DNMT1: variants seen among roughly 807,000 people sequenced by gnomAD.
DNMT1 encodes DNA methyltransferase 1.
Under a neutral mutation model 205.3 loss-of-function variants are expected in DNMT1, and 24 were observed. The ratio of observed to expected loss-of-function variants is 0.12; its 90% CI spans 0.08 to 0.16. The LOEUF (loss-of-function observed/expected upper bound fraction) is 0.16, where lower values mean the gene tolerates loss of function less well. Ranked by LOEUF, DNMT1 falls within the 10% of genes least tolerant of loss-of-function variation. The probability of loss-of-function intolerance (pLI) is 1.00; values close to 1 mark genes in which losing one functional copy is unlikely to be tolerated. For synonymous variants in DNMT1, 817 were observed against 839.8 expected, an observed-to-expected ratio of 0.97 and a Z score of 0.47; for missense variants, 1,293 against 2,177.7, an observed-to-expected ratio of 0.59 and a Z score of 8.09.
intron 11 of DNMT1, among the ~76,000 whole-genome samples, chr19:10,163,974 C>T (rs2038633693): frequency 6.6e-6 from 1 of 152,184 alleles, no homozygotes; most frequent in East Asian, 1.9e-4. Flanking sequence ...AAGCTCCTCC[C>T]CAGGTTCAGA....
chr19:10,141,223 G>T, intron 30 of DNMT1, 34 bp from the exon 31 acceptor site: 2 of 1,604,318 alleles, frequency 1.2e-6, no homozygotes, highest in Non-Finnish European at 8.5e-7. Flanking sequence ...GTTTGGGAGA[G>T]AAACGCACTG....
At chr19:10,183,941 T>C (rs2039128722) in intron 1 of DNMT1, among the ~76,000 whole-genome samples, 1 of 151,892 alleles carries the variant, frequency 6.6e-6, no homozygotes, top group African/African-American at 2.4e-5. Context: ...GTGGTCCCAG[T>C]TACTTGGGAG....
In DNMT1 at chr19:10,192,982, G is replaced by A. The variant is rs139123525; in HGVS notation, c.80+1838C>T. Among the ~76,000 whole-genome samples, 354 of 152,260 alleles carry A rather than the reference G, an allele frequency of 2.3e-3. 2 individuals are homozygous for A. The highest frequency in any genetic ancestry group is 8.0e-3 in the African/African-American group (332 of 41,556). On this transcript the variant is annotated intron_variant, in intron 1 of 40. Coordinates refer to ENST00000359526, the MANE Select transcript of DNMT1 (RefSeq NM_001130823.3). ...GAATCACTTGAACCCTGAAAGTGGA[G>A]GTTGCAGTGAGCCGAGATCACGCCA...
intron 6 of DNMT1, among the ~76,000 whole-genome samples, 172 bp downstream of exon 6, chr19:10,177,120 T>C (rs1366447559): frequency 1.3e-5 from 2 of 151,858 alleles, no homozygotes; most frequent in Non-Finnish European, 2.9e-5. Context: ...CCTATATGAG[T>C]AAAAACAGGT....
chr19:10,167,305 C>A (rs1346160979), intron 10 of DNMT1, among the ~76,000 whole-genome samples: 1 of 151,878 alleles, frequency 6.6e-6, no homozygotes, highest in Non-Finnish European at 1.5e-5. Flanking sequence ...AAGTGATTCT[C>A]CTGCCTCAGT....
chr19:10,185,843 GAAAAAAAAAA>G (rs57377594), intron 1 of DNMT1, among the ~76,000 whole-genome samples: 3 of 70,758 alleles, frequency 4.2e-5, no homozygotes, highest in East Asian at 5.9e-4. Flanking sequence ...TGTCTCAAAA[GAAAAAAAAAA>G]AAAAAAAAAG....
At chr19:10,183,083 A>G (rs34539107) in intron 1 of DNMT1, among the ~76,000 whole-genome samples, 51,397 of 145,688 alleles carry the variant, frequency 0.35, 9,843 homozygotes, top group Non-Finnish European at 0.43. Flanking sequence ...ATGTGTGTGT[A>G]TATATATATA....
chr19:10,155,190 A>G (rs1490857353), intron 19 of DNMT1, 134 bp from the exon 20 acceptor site: 32 of 1,210,388 alleles, frequency 2.6e-5, no homozygotes, highest in Non-Finnish European at 3.7e-5. Context: ...TCAGAAACAT[A>G]GGGCACAACA....
chr19:10,194,158 T>A (rs1291708844), intron 1 of DNMT1, among the ~76,000 whole-genome samples: 2 of 152,190 alleles, frequency 1.3e-5, no homozygotes, highest in East Asian at 3.8e-4. Flanking sequence ...GGCCCTGCGC[T>A]GCAATGCACG....
chr19:10,159,697 C>T lies in DNMT1; in HGVS notation c.1241G>A (p.Ser414Asn). The change falls in exon 17 of 41, where the codon AGT becomes AAT. Residue 414 changes from serine to asparagine, a missense_variant. By Grantham distance (46) the Ser-to-Asn change is conservative. Transcript: ENST00000359526. The surrounding 1 kb of genome is among the most constrained non-coding windows in gnomAD (Gnocchi z 5.0). ...TTTGTGCTGGGGAAGCGCCTCATAA[C>T]TCTCAAAGCCAGACTCGTTGGCATC... ...IFDANESGFE[S>N]YEALPQHKLT... The T allele has an allele frequency of 6.2e-7, 1 of 1,614,236 alleles. No homozygotes were observed. Among genetic ancestry groups the T allele is most frequent in the Non-Finnish European group, 8.5e-7 (1 of 1,180,042 alleles).
At chr19:10,184,758 C>T (rs1028591328) in intron 1 of DNMT1, among the ~76,000 whole-genome samples, 1 of 152,214 alleles carries the variant, frequency 6.6e-6, no homozygotes, top group African/African-American at 2.4e-5. Flanking sequence ...GAGAACAGGC[C>T]TAACCAGCTG....
intron 12 of DNMT1, 142 bp from the exon 13 acceptor site, chr19:10,162,890 G>T: frequency 1.2e-6 from 1 of 869,320 alleles, no homozygotes; most frequent in Non-Finnish European, 1.8e-6. Flanking sequence ...CTGCCAGCTT[G>T]TCATCCCGAG....
chr19:10,136,399 C>T lies in DNMT1; in HGVS notation c.4490-112G>A, dbSNP rs1231027771. The T allele has an allele frequency of 1.7e-5, 24 of 1,410,832 alleles. No homozygotes were observed. In the East Asian group the frequency reaches 5.6e-4, roughly 33 times the overall value. The allele number at this position is 1,410,832 out of a possible 1,614,324, so 87.4% of individuals were successfully genotyped here. A position where few individuals can be genotyped will look rare whatever the true frequency, so the allele number is the denominator to read the frequency against. On this transcript the variant is annotated intron_variant, in intron 37 of 40. Coordinates refer to ENST00000359526, the MANE Select transcript of DNMT1 (RefSeq NM_001130823.3). ...ATGGCACCTCCTGTGCAAGGGGCCC[C>T]CTGGGGTGGAGCAGCCAACAATCCT...
intron 1 of DNMT1, among the ~76,000 whole-genome samples, chr19:10,185,631 A>T (rs1239631359): frequency 6.6e-6 from 1 of 152,028 alleles, no homozygotes; most frequent in Non-Finnish European, 1.5e-5. Flanking sequence ...GTTTGAGACC[A>T]GCCTGGGCTA....
chr19:10,186,676 T>G (rs933812461), intron 1 of DNMT1, among the ~76,000 whole-genome samples: 3 of 151,416 alleles, frequency 2.0e-5, no homozygotes, highest in African/African-American at 7.3e-5. Flanking sequence ...TCGTCTTTAC[T>G]AAAAATCCAG....
At chr19:10,175,767 C>A in intron 6 of DNMT1, 149 bp from the exon 7 acceptor site, 1 of 799,656 alleles carries the variant, frequency 1.3e-6, no homozygotes. Context: ...GTCTTGCCAT[C>A]TTGTAAGTCC....
chr19:10,166,035 C>T (rs1003125820), intron 11 of DNMT1, among the ~76,000 whole-genome samples: 4 of 152,038 alleles, frequency 2.6e-5, no homozygotes, highest in African/African-American at 9.7e-5. Flanking sequence ...TAGATAGGGA[C>T]CCGCCGCCCC....
chr19:10,182,577 G>T (rs2145386874), intron 1 of DNMT1, among the ~76,000 whole-genome samples: 1 of 149,468 alleles, frequency 6.7e-6, no homozygotes, highest in Non-Finnish European at 1.5e-5. Flanking sequence ...ACACACAGCA[G>T]CTCTGTAACA....
Position 10,138,302 on chromosome 19 carries a change from T to C in DNMT1, c.4115+137A>G, listed in dbSNP as rs951297564. The stretch of plus-strand genomic sequence containing the variant: ...GGAGACCACAGGTGGCAGAGTGCCA[T>C]GTGGCAGAGCACCGTGTGGCAGGGC... On this transcript the variant is annotated intron_variant, in intron 35 of 40. Transcript: ENST00000359526. The surrounding 1 kb of genome is among the most constrained non-coding windows in gnomAD (Gnocchi z 4.1). 10 of 1,372,254 alleles carry C rather than the reference T, an allele frequency of 7.3e-6. No individual in the cohort carries two copies. In the African/African-American group the frequency reaches 1.0e-4, roughly 14 times the overall value. 85.0% of individuals were successfully genotyped at this position (1,372,254 alleles called of 1,614,324 possible).
Sources: allele counts gnomAD v4.1 joint callset (sites outside exome capture counted in the v4.1 genomes callset), GRCh38; gene constraint gnomAD v4.1.1; non-coding constraint Gnocchi (gnomAD v3.1); transcripts MANE v1.5; gene names NCBI Gene and HGNC (gene_info 2026-07-23, HGNC 2026-07-21).